The following RABL2A variants were observed in gnomAD, a reference collection of about 807,000 sequenced individuals.
The protein encoded by RABL2A is rab-like protein 2A.
RABL2A carries 17 observed loss-of-function variants against 30.7 expected under a neutral mutation model. The observed-to-expected ratio is 0.55, with a 90% CI of 0.38 to 0.83. The LOEUF (loss-of-function observed/expected upper bound fraction) is 0.83, where lower values mean the gene tolerates loss of function less well. RABL2A is among the 40% of genes least tolerant of loss of function. The pLI is 0.00. For synonymous variants in RABL2A, 64 were observed against 101.8 expected (o/e 0.63, Z 2.24); for missense variants, 155 against 272.6 (o/e 0.57, Z 3.04).
At chr2:113,639,324 A>T (rs1684207728) in intron 5 of RABL2A, among the ~76,000 whole-genome samples, 1 of 151,930 alleles carries the variant, frequency 6.6e-6, no homozygotes, top group Non-Finnish European at 1.5e-5. Flanking sequence ...AGTAAACAAA[A>T]GCTTAAAAGT....
At chr2:113,640,857 C>T (rs1259669784) in intron 5 of RABL2A, 37 bp from the exon 6 acceptor site, 1 of 1,613,432 alleles carries the variant, frequency 6.2e-7, no homozygotes, top group South Asian at 1.1e-5. Flanking sequence ...GAAACATTGA[C>T]ATACCTGAGC....
intron 5 of RABL2A, among the ~76,000 whole-genome samples, chr2:113,636,997 TAAAAA>T (rs1443170260): frequency 1.0e-5 from 1 of 95,636 alleles, no homozygotes; most frequent in Non-Finnish European, 1.8e-5. Flanking sequence ...TCAAAAAAAA[TAAAAA>T]AATAAAAAAA....
chr2:113,636,153 A>G (rs1325558981), intron 5 of RABL2A, among the ~76,000 whole-genome samples: 8 of 152,214 alleles, frequency 5.3e-5, no homozygotes, highest in African/African-American at 1.9e-4. Flanking sequence ...AACAATGCAG[A>G]AAGTAATAGA....
intron 5 of RABL2A, chr2:113,637,751 T>G (rs1049547506): frequency 1.5e-5 from 19 of 1,256,124 alleles, no homozygotes; most frequent in Non-Finnish European, 2.0e-5. Flanking sequence ...CAGTTTGGTT[T>G]CAGGCCTACA....
At chr2:113,634,999 A>G in intron 4 of RABL2A, 52 bp from the exon 5 acceptor site, 2 of 1,613,810 alleles carry the variant, frequency 1.2e-6, no homozygotes, top group Non-Finnish European at 1.7e-6. Flanking sequence ...TATCTTAGTG[A>G]CTTGCACAGA....
At chr2:113,636,395 C>G (rs537434802) in intron 5 of RABL2A, among the ~76,000 whole-genome samples, 1 of 151,268 alleles carries the variant, frequency 6.6e-6, no homozygotes, top group South Asian at 2.1e-4. Flanking sequence ...CACACACACA[C>G]TGGTACTTGG....
rs1419030821 is a variant in RABL2A at position 113,641,379 on chromosome 2, T to G, written c.436T>G (p.Phe146Val). 2 of 1,613,266 alleles carry G rather than the reference T, an allele frequency of 1.2e-6. No individual in the cohort carries two copies. The highest frequency in any genetic ancestry group is 1.7e-5 in the Admixed American group (1 of 59,940). ...AGACATAAACGTGACCCAAAAAAGC[T>G]TCAATTTTGCCAAGAAGTTCTCCCT... ...DADINVTQKS[F>V]NFAKKFSLPL... The change falls in exon 7 of 9, where the codon TTC becomes GTC. Residue 146 changes from phenylalanine to valine, a missense_variant. Physicochemically the swap from Phe to Val is conservative, Grantham distance 50. Transcript: ENST00000683472.
chr2:113,639,774 T>G (rs1207804624), intron 5 of RABL2A, among the ~76,000 whole-genome samples: 1 of 151,656 alleles, frequency 6.6e-6, no homozygotes, highest in African/African-American at 2.4e-5. Flanking sequence ...GAGAATCACT[T>G]GAACACAGAA....
chr2:113,628,002 GC>G (rs1678764293), intron 1 of RABL2A: 1 of 148,778 alleles, frequency 6.7e-6, no homozygotes, highest in Non-Finnish European at 1.5e-5. Context: ...AAACTCGGGG[GC>G]CCTGTTGGTA....
At chr2:113,641,142 T>C in intron 6 of RABL2A, 137 bp downstream of exon 6, 1 of 954,876 alleles carries the variant, frequency 1.0e-6, no homozygotes, top group Non-Finnish European at 1.6e-6. Context: ...CTTGGTTGGT[T>C]GCTTGCATTC....
intron 2 of RABL2A, among the ~76,000 whole-genome samples, chr2:113,631,470 A>G (rs1395121673): frequency 6.6e-6 from 1 of 152,084 alleles, no homozygotes; most frequent in Non-Finnish European, 1.5e-5. Context: ...ATCCTGAGGG[A>G]GTTGTGCTTA....
In RABL2A at chr2:113,634,160, C is replaced by G. The variant is rs761640705; in HGVS notation, c.145C>G (p.Gln49Glu). The G allele has an allele frequency of 1.9e-6, 3 of 1,611,416 alleles. No homozygotes were observed. The highest frequency in any genetic ancestry group is 1.7e-6 in the Non-Finnish European group (2 of 1,178,700). Reference sequence around the variant, plus strand: ...TCCTTAACCTGAGTGCAGTCAGCCACAGCAGCTGTCCACGTACGCCCTGAC... The same window carrying G: ...TCCTTAACCTGAGTGCAGTCAGCCAGAGCAGCTGTCCACGTACGCCCTGAC... ...ERFLMDGFQP[Q>E]QLSTYALTLY... Residue 49 changes from glutamine (Q) to glutamate (E), a missense_variant, in exon 4 of 9, where the codon CAG (glutamine) becomes GAG (glutamate). Gln to Glu is a conservative substitution (Grantham distance 29, BLOSUM62 2). This residue lies in a region of RABL2A where 82 missense variants were observed against 103.2 expected (regional missense o/e 0.79). Coordinates refer to ENST00000683472, the MANE Select transcript of RABL2A (RefSeq NM_001306158.2).
chr2:113,638,384 A>C (rs2747994), intron 5 of RABL2A: 1 of 985,294 alleles, frequency 1.0e-6, no homozygotes, highest in South Asian at 4.7e-5. Flanking sequence ...CTGTGCCAGC[A>C]GTTACAGGGT....
rs904587019 is a variant in RABL2A at position 113,642,673 on chromosome 2, G to A, written c.*544G>A. On this transcript the variant is annotated 3_prime_UTR_variant, in exon 9 of 9. Transcript: ENST00000683472. ...TTTGTTCGTCCTGAGACGGAGTCTC[G>A]CTCTGTCGCCAGGCTGGAGTGCAGT... The A allele has an allele frequency of 1.0e-5, 2 of 198,054 alleles. No individual in the cohort carries two copies. The highest frequency in any genetic ancestry group is 2.4e-5 in the African/African-American group (1 of 41,390). The allele number at this position is 198,054 out of a possible 1,614,324, so 12.3% of individuals were successfully genotyped here.
At chr2:113,640,373 C>T (rs1314950315) in intron 5 of RABL2A, 2 of 157,584 alleles carry the variant, frequency 1.3e-5, no homozygotes, top group Admixed American at 5.9e-5. Flanking sequence ...AAAAGGAATA[C>T]GTTATTTATT....
intron 5 of RABL2A, chr2:113,637,369 G>A: frequency 9.9e-7 from 1 of 1,015,162 alleles, no homozygotes. Flanking sequence ...TCTTCCGTGT[G>A]TGCTCCTGCA....
chr2:113,638,576 G>C, intron 5 of RABL2A: 2 of 985,112 alleles, frequency 2.0e-6, no homozygotes, highest in Non-Finnish European at 2.4e-6. Flanking sequence ...TTTTAAAATA[G>C]GTAGAAACAG....
chr2:113,641,353 C>T lies in RABL2A; in HGVS notation c.410C>T (p.Ala137Val), dbSNP rs1212975355. The change falls in exon 7 of 9, where the codon GCA (alanine) becomes GTA (valine). Residue 137 changes from alanine to valine, a missense_variant and splice_region_variant. Coordinates refer to ENST00000683472, the MANE Select transcript of RABL2A (RefSeq NM_001306158.2). ...CCAATGTCCTACCTTCTCTCTACAG[C>T]AGACATAAACGTGACCCAAAAAAGC... ...PCIVVANKID[A>V]DINVTQKSFN... is the part of the protein sequence containing the mutation. The T allele has an allele frequency of 6.2e-7, 1 of 1,613,672 alleles. No homozygotes were observed. The highest frequency in any genetic ancestry group is 8.5e-7 in the Non-Finnish European group (1 of 1,179,980).
chr2:113,642,337 A>G lies in RABL2A; in HGVS notation c.*208A>G. Reference sequence around the variant, plus strand: ...TGGACTGGTGGAAGAATTCCCCACCAGATCTCCTTGAAGCAGAATTAGGGA... The same window carrying G: ...TGGACTGGTGGAAGAATTCCCCACCGGATCTCCTTGAAGCAGAATTAGGGA... On this transcript the variant is annotated 3_prime_UTR_variant, in exon 9 of 9. Coordinates refer to ENST00000683472, the MANE Select transcript of RABL2A (RefSeq NM_001306158.2). 1 of 1,185,682 alleles carries G rather than the reference A, an allele frequency of 8.4e-7. No homozygotes were observed. Among genetic ancestry groups the G allele is most frequent in the Non-Finnish European group, 1.2e-6 (1 of 862,332 alleles). The allele number at this position is 1,185,682 out of a possible 1,614,324, so 73.4% of individuals were successfully genotyped here. A position where few individuals can be genotyped will look rare whatever the true frequency, so the allele number is the denominator to read the frequency against.
Sources: gnomAD v4.1 joint callset for allele counts (sites outside exome capture counted in the v4.1 genomes callset) on GRCh38, gnomAD v4.1.1 for gene constraint, gnomAD v4.1.1 regional missense constraint, MANE v1.5 for transcripts, NCBI Gene and HGNC (gene_info 2026-07-23, HGNC 2026-07-21) for gene names.